POMGNT1: variants seen among roughly 807,000 people sequenced by gnomAD.
POMGNT1 encodes protein O-linked mannose N-acetylglucosaminyltransferase 1 (beta 1,2-).
A neutral mutation model predicts 95.6 loss-of-function variants in POMGNT1; 67 were observed. The ratio of observed to expected loss-of-function variants is 0.70; its 90% CI spans 0.58 to 0.86. The LOEUF (loss-of-function observed/expected upper bound fraction) is 0.86, where lower values mean the gene tolerates loss of function less well. POMGNT1 is among the 40% of genes least tolerant of loss of function. The pLI is 0.00. For synonymous variants in POMGNT1, 298 were observed against 317.9 expected (o/e 0.94, Z 0.66); for missense variants, 719 against 855.2 (o/e 0.84, Z 1.99).
At chr1:46,220,259 T>C (rs751344486) in exon 1 of POMGNT1, 2 of 1,552,632 alleles carry the variant, frequency 1.3e-6, no homozygotes, top group South Asian at 2.5e-5. Flanking sequence ...GGCTCTTTTA[T>C]CCATTAGATG....
intron 1 of POMGNT1, among the ~76,000 whole-genome samples, chr1:46,213,211 T>C (rs930951392): frequency 7.9e-5 from 12 of 151,564 alleles, no homozygotes; most frequent in African/African-American, 2.9e-4. Context: ...GATGTTTCGA[T>C]GAACAGCATA....
At chr1:46,203,742 C>T (rs1658623605) in intron 1 of POMGNT1, 1 of 916,510 alleles carries the variant, frequency 1.1e-6, no homozygotes, top group African/African-American at 1.7e-5. Context: ...CACCTAACTG[C>T]TCAGAATCCC....
rs771438237 is a variant in POMGNT1 at position 46,192,976 on chromosome 1, C to T, written c.1153-18G>A. 8.7e-6 allele frequency: 14 copies of T among 1,614,020 alleles called. No homozygotes were observed. Reference sequence around the variant, plus strand: ...TTGGCCTCCTAGAAGGGGAATGGGACATCATGGTCCCAAAGGGGTCTCTCC... The same window carrying T: ...TTGGCCTCCTAGAAGGGGAATGGGATATCATGGTCCCAAAGGGGTCTCTCC... On this transcript the variant is annotated intron_variant, in intron 13 of 21. Coordinates refer to ENST00000371984, the MANE Select transcript of POMGNT1 (RefSeq NM_017739.4).
chr1:46,203,513 C>A (rs766172760), intron 1 of POMGNT1: 3 of 1,559,552 alleles, frequency 1.9e-6, no homozygotes, highest in Non-Finnish European at 2.6e-6. Context: ...GGCTGCTCCG[C>A]GGGCTGCGAG....
At position 46,195,907 on chromosome 1, in the gene POMGNT1, T is replaced by C. The variant is rs1360246041; in HGVS notation, c.438A>G (p.Lys146=). Reference sequence around the variant, plus strand: ...GAGGTGAGTACGTGTCAAACACACGTTTTGCCATCACGTGGCCCTGGCAGG... The same window carrying C: ...GAGGTGAGTACGTGTCAAACACACGCTTTGCCATCACGTGGCCCTGGCAGG... ...LNQATGHVMA[K]RVFDTYSPHE... Residue 146 remains lysine, a synonymous_variant, in exon 6 of 22, where the codon AAA becomes AAG. Transcript: ENST00000371984. 6.2e-7 allele frequency: 1 copy of C among 1,613,994 alleles called. No individual in the cohort carries two copies. The highest frequency in any genetic ancestry group is 8.5e-7 in the Non-Finnish European group (1 of 1,179,972).
In POMGNT1 at chr1:46,197,784, A is replaced by C. The variant is rs377724143; in HGVS notation, c.38T>G (p.Phe13Cys). The stretch of plus-strand genomic sequence containing the variant: ...CCAGCTCCGCTTCTTCCGAGCCCCA[A>C]AGGGCTTGATGAGGGGGCTGGGCTT... ...DWKPSPLIKP[F>C]GARKKRSWYL... The change falls in exon 2 of 22, where the codon TTT becomes TGT. Residue 13 changes from phenylalanine (F) to cysteine (C), a missense_variant. By Grantham distance (205) the Phe-to-Cys change is radical. This residue lies in a region of POMGNT1 where 466 missense variants were observed against 517.4 expected (regional missense o/e 0.90). Coordinates refer to ENST00000371984, the MANE Select transcript of POMGNT1 (RefSeq NM_017739.4). 2 of 1,614,056 alleles carry C rather than the reference A, an allele frequency of 1.2e-6. No homozygotes were observed. The highest frequency in any genetic ancestry group is 8.5e-7 in the Non-Finnish European group (1 of 1,179,990).
Position 46,188,796 on chromosome 1 carries a change from T to A in POMGNT1, c.*474A>T. The A allele has an allele frequency of 6.2e-7, 1 of 1,612,794 alleles. No individual in the cohort carries two copies. Among genetic ancestry groups the A allele is most frequent in the Non-Finnish European group, 8.5e-7 (1 of 1,179,878 alleles). On this transcript the variant is annotated 3_prime_UTR_variant, in exon 22 of 22. Coordinates refer to ENST00000371984, the MANE Select transcript of POMGNT1 (RefSeq NM_017739.4). The stretch of plus-strand genomic sequence containing the variant: ...CAGTGTCTAAGGGTCTCTGAGTGAG[T>A]CTGTGTCAGCATGTGGGCCCCAGCT...
rs1658369229 is a variant in POMGNT1, at chr1:46,197,858, A to G, written c.-37T>C. The stretch of plus-strand genomic sequence containing the variant: ...GGGTCACCAATGTCCTGGCCAGCCC[A>G]TGACTTCAGGAATCTGAAGGGACCA... On this transcript the variant is annotated 5_prime_UTR_variant, in exon 2 of 22. An upstream start codon of the reference 5' UTR is lost. Transcript: ENST00000371984. The G allele has an allele frequency of 1.9e-6, 3 of 1,612,884 alleles. No individual in the cohort carries two copies. The highest frequency in any genetic ancestry group is 2.5e-6 in the Non-Finnish European group (3 of 1,179,878).
chr1:46,208,916 A>G (rs1658807498), intron 1 of POMGNT1, among the ~76,000 whole-genome samples: 1 of 152,190 alleles, frequency 6.6e-6, no homozygotes, highest in African/African-American at 2.4e-5. Flanking sequence ...GAGACAAGGT[A>G]ATAGGAACAA....
chr1:46,195,143 C>T (rs1405504855), intron 6 of POMGNT1, among the ~76,000 whole-genome samples, 182 bp from the exon 7 acceptor site: 3 of 152,226 alleles, frequency 2.0e-5, no homozygotes, highest in Non-Finnish European at 2.9e-5. Context: ...ATTCTAAGGT[C>T]ATCCAGCTAA....
intron 1 of POMGNT1, among the ~76,000 whole-genome samples, chr1:46,212,446 A>G (rs1658929288): frequency 6.6e-6 from 1 of 151,532 alleles, no homozygotes; most frequent in South Asian, 2.1e-4. Flanking sequence ...ACGCCCAGCG[A>G]ATTTTTTTGT....
In POMGNT1 at chr1:46,196,079, T is replaced by C; in HGVS notation, c.355-2A>G. Reference sequence around the variant, plus strand: ...CTCCCGGGCCTCATCCTCCAGCACCTACACAGTGGCAGAGACAAAGTCCAG... The same window carrying C: ...CTCCCGGGCCTCATCCTCCAGCACCCACACAGTGGCAGAGACAAAGTCCAG... On this transcript the variant is annotated splice_acceptor_variant, in intron 4 of 21. Coordinates refer to ENST00000371984, the MANE Select transcript of POMGNT1 (RefSeq NM_017739.4). LOFTEE classifies it high-confidence loss of function. This position sits in a 1 kb window ranked among gnomAD's most constrained non-coding sequence, Gnocchi z 4.4. 1 of 1,613,986 alleles carries C rather than the reference T, an allele frequency of 6.2e-7. No individual in the cohort carries two copies. The highest frequency in any genetic ancestry group is 1.3e-5 in the African/African-American group (1 of 75,062).
chr1:46,210,737 G>A lies in POMGNT1; in HGVS notation c.-51+8968C>T, dbSNP rs527801771. Among the ~76,000 whole-genome samples the A allele has an allele frequency of 4.6e-5, 7 of 152,264 alleles. No individual in the cohort carries two copies. The South Asian group carries it at 1.0e-3, about 23-fold the overall frequency. ...TCCCTGGGTGCACCACCCTCCATCT[G>A]TTCAGCTACTTGGACGCTCTCTGAA... On this transcript the variant is annotated intron_variant, in intron 1 of 22. Coordinates refer to the POMGNT1 transcript ENST00000371992.
At position 46,197,033 on chromosome 1, in the gene POMGNT1, T is replaced by C. The variant is rs886044042; in HGVS notation, c.172A>G (p.Ile58Val). 1.9e-5 allele frequency: 30 copies of C among 1,614,006 alleles called. No individual in the cohort carries two copies. The highest frequency in any genetic ancestry group is 2.3e-5 in the Non-Finnish European group (27 of 1,180,018). The change falls in exon 3 of 22, where the codon ATC (isoleucine) becomes GTC (valine). Residue 58 changes from isoleucine to valine, a missense_variant. Coordinates refer to ENST00000371984, the MANE Select transcript of POMGNT1 (RefSeq NM_017739.4). ...CTGATGGCTCGCCGAGTGTCCAGGA[T>C]CAACTTGATATTGACAATGACAGTC... ...LVTVIVNIKL[I>V]LDTRRAISEA...
In POMGNT1 at chr1:46,197,263, G is replaced by A. The variant is rs985493862; in HGVS notation, c.121-179C>T. ...CCTAGTTTCACAGCCACTTTCCCCA[G>A]GGAACCTCCCCTGACACTTCCCCCT... On this transcript the variant is annotated intron_variant, in intron 2 of 21. Coordinates refer to ENST00000371984, the MANE Select transcript of POMGNT1 (RefSeq NM_017739.4). The A allele has an allele frequency of 4.6e-6, 7 of 1,528,812 alleles. No individual in the cohort carries two copies. The African/African-American group carries it at 9.6e-5, about 21-fold the overall frequency. 94.7% of individuals were successfully genotyped at this position (1,528,812 alleles called of 1,614,324 possible).
intron 1 of POMGNT1, among the ~76,000 whole-genome samples, chr1:46,206,584 G>T (rs1658724560): frequency 6.6e-6 from 1 of 152,082 alleles, no homozygotes; most frequent in Non-Finnish European, 1.5e-5. Context: ...TTCAAGAGAT[G>T]GTGTGAAAAG....
upstream of POMGNT1, among the ~76,000 whole-genome samples, chr1:46,202,912 G>GGGGC (rs1658582517): frequency 1.9e-5 from 2 of 104,738 alleles, 1 homozygote; most frequent in Non-Finnish European, 3.9e-5. Context: ...CCCCTGGGGG[G>GGGGC]GGGGGGTGGT....
chr1:46,199,147 G>T (rs528585388), upstream of POMGNT1, among the ~76,000 whole-genome samples: 18 of 152,234 alleles, frequency 1.2e-4, no homozygotes, highest in South Asian at 3.7e-3. Context: ...TCACCATGTT[G>T]GCCAGGCTGG....
At chr1:46,193,077 G>A in intron 13 of POMGNT1, 97 bp downstream of exon 13, 7 of 1,603,322 alleles carry the variant, frequency 4.4e-6, no homozygotes, top group Non-Finnish European at 5.1e-6. Context: ...TGAAGGATGA[G>A]GCCCAGTGAG....
Sources: allele counts gnomAD v4.1 joint callset (sites outside exome capture counted in the v4.1 genomes callset), GRCh38; gene constraint gnomAD v4.1.1; regional missense constraint gnomAD v4.1.1; non-coding constraint Gnocchi (gnomAD v3.1); transcripts MANE v1.5; gene names NCBI Gene and HGNC (gene_info 2026-07-23, HGNC 2026-07-21).